NTN4: variants seen among roughly 807,000 people sequenced by gnomAD.
The protein encoded by NTN4 is netrin-4.
A neutral mutation model predicts 73.6 loss-of-function variants in NTN4; 32 were observed. That is an observed-to-expected ratio of 0.44 (90% CI 0.33 to 0.58). The LOEUF (loss-of-function observed/expected upper bound fraction) is 0.58. NTN4 is among the 20% of genes least tolerant of loss of function. The pLI is 0.04. For missense variants in NTN4, 654 were observed against 798.3 expected (o/e 0.82, Z 2.18); for synonymous variants, 258 against 287.5 (o/e 0.90, Z 1.04).
chr12:95,692,109 C>T (rs977717156), intron 5 of NTN4, among the ~76,000 whole-genome samples: 6 of 152,050 alleles, frequency 3.9e-5, no homozygotes, highest in South Asian at 2.1e-4. Flanking sequence ...GATCTCTGCT[C>T]ACTGCAACCT....
chr12:95,743,973 C>G (rs2078843952), intron 2 of NTN4, among the ~76,000 whole-genome samples: 1 of 152,130 alleles, frequency 6.6e-6, no homozygotes. Context: ...GCGATCTTGG[C>G]TCACTGCAAC....
At chr12:95,716,025 A>G (rs7300004) in intron 3 of NTN4, among the ~76,000 whole-genome samples, 122,634 of 151,014 alleles carry the variant, frequency 0.81, 49,916 homozygotes, top group South Asian at 0.86. Flanking sequence ...GGCAGAAGTA[A>G]CACAATGGAG....
intron 2 of NTN4, among the ~76,000 whole-genome samples, chr12:95,748,638 G>A (rs937697797): frequency 2.6e-5 from 4 of 151,964 alleles, no homozygotes; most frequent in African/African-American, 9.7e-5. Flanking sequence ...GCCCAGCTAA[G>A]TTTTGTATTT....
At chr12:95,682,185 T>C (rs2078322431) in intron 7 of NTN4, among the ~76,000 whole-genome samples, 1 of 149,512 alleles carries the variant, frequency 6.7e-6, no homozygotes, top group African/African-American at 2.5e-5. Flanking sequence ...GCCTCTCAAG[T>C]AGCTGGGACT....
intron 2 of NTN4, among the ~76,000 whole-genome samples, chr12:95,774,040 ACTT>A (rs2079074896): frequency 6.6e-6 from 1 of 152,134 alleles, no homozygotes; most frequent in Admixed American, 6.5e-5. Context: ...TGTTATATAT[ACTT>A]CTTCTATCTA....
chr12:95,693,421 T>C (rs1190219904), intron 5 of NTN4, among the ~76,000 whole-genome samples: 1 of 151,998 alleles, frequency 6.6e-6, no homozygotes, highest in Admixed American at 6.6e-5. Flanking sequence ...ATATGTTCCT[T>C]TCCTTGGACA....
chr12:95,729,929 T>C (rs879878906), intron 3 of NTN4, among the ~76,000 whole-genome samples: 1 of 152,154 alleles, frequency 6.6e-6, no homozygotes, highest in African/African-American at 2.4e-5. Context: ...CCCATTATAT[T>C]AGCAGTGAAA....
At position 95,665,845 on chromosome 12, in the gene NTN4, G is replaced by A. The variant is rs752193857; in HGVS notation, c.1715C>T (p.Thr572Met). The A allele has an allele frequency of 1.5e-5, 25 of 1,613,782 alleles. No homozygotes were observed. In the East Asian group the frequency reaches 2.9e-4, roughly 19 times the overall value. Residue 572 changes from threonine (T) to methionine (M), a missense_variant, in exon 9 of 10, where the codon ACG becomes ATG. Thr to Met is a moderately conservative substitution (Grantham distance 81). Coordinates refer to ENST00000343702, the MANE Select transcript of NTN4 (RefSeq NM_021229.4). ...GATTGGACAAGTGCATCCTCTGTCCGTCCATGATTCTGGATATAATGTTCG... is the reference window on the plus strand; with the variant it reads ...GATTGGACAAGTGCATCCTCTGTCCATCCATGATTCTGGATATAATGTTCG... ...GKRTLYPESWTDRGCTCPILN... is the reference protein window; with the variant it reads ...GKRTLYPESWMDRGCTCPILN...
At chr12:95,727,718 GA>G (rs990923002) in intron 3 of NTN4, among the ~76,000 whole-genome samples, 1 of 152,152 alleles carries the variant, frequency 6.6e-6, no homozygotes, top group Non-Finnish European at 1.5e-5. Context: ...GGTAAGCTTT[GA>G]AATTGGAAAG....
intron 2 of NTN4, among the ~76,000 whole-genome samples, chr12:95,752,405 G>A (rs28851259): frequency 0.5 from 65,203 of 131,270 alleles, 12,813 homozygotes; most frequent in South Asian, 0.64. Context: ...ATTCTGTTCT[G>A]GATCTCAAAC....
chr12:95,764,723 C>G (rs2079009556), intron 2 of NTN4, among the ~76,000 whole-genome samples: 1 of 150,014 alleles, frequency 6.7e-6, no homozygotes, highest in Non-Finnish European at 1.5e-5. Context: ...TAATACATCA[C>G]TGAACTCTTG....
At chr12:95,750,177 C>T (rs2078895122) in intron 2 of NTN4, among the ~76,000 whole-genome samples, 1 of 142,596 alleles carries the variant, frequency 7.0e-6, no homozygotes, top group Admixed American at 7.1e-5. Flanking sequence ...CCCTTATTTC[C>T]ATGCCCCAAC....
intron 2 of NTN4, among the ~76,000 whole-genome samples, chr12:95,766,906 C>CA (rs71091210): frequency 0.26 from 39,966 of 152,100 alleles, 5,401 homozygotes; most frequent in South Asian, 0.32. Flanking sequence ...GCTGATAAGT[C>CA]CACCTCTCTG....
chr12:95,677,818 C>G (rs2078284635), intron 7 of NTN4, among the ~76,000 whole-genome samples: 1 of 152,158 alleles, frequency 6.6e-6, no homozygotes, highest in Non-Finnish European at 1.5e-5. Flanking sequence ...TCATTTGGCC[C>G]AGCAATCCCA....
rs545023886 is a variant in NTN4 at position 95,789,419 on chromosome 12, C to T, written c.55+836G>A. On this transcript the variant is annotated intron_variant, in intron 1 of 9. Coordinates refer to ENST00000343702, the MANE Select transcript of NTN4 (RefSeq NM_021229.4). The surrounding 1 kb of genome is among the most constrained non-coding windows in gnomAD (Gnocchi z 4.0). ...TCTCTCCCCCTCACCTACAGGGCTG[C>T]GCTTACGCCTAACTGGAAACCAGGT... 9.2e-5 allele frequency among the ~76,000 whole-genome samples: 14 copies of T among 152,288 alleles called. No homozygotes were observed. Among genetic ancestry groups the T allele is most frequent in the Middle Eastern group, 6.8e-3 (2 of 294 alleles).
In NTN4 at chr12:95,673,076, C is replaced by T. The variant is rs569681436; in HGVS notation, c.1511-2930G>A. The stretch of plus-strand genomic sequence containing the variant: ...GGCAAGGCCAAGAAGTGAAGGCCGG[C>T]GGGCGGACTACTGTCCCCAGGAGCA... On this transcript the variant is annotated intron_variant, in intron 7 of 9. Transcript: ENST00000343702. 4.2e-4 allele frequency: 601 copies of T among 1,442,112 alleles called. 1 individual carries two copies. The highest frequency in any genetic ancestry group is 5.2e-4 in the Non-Finnish European group (537 of 1,038,186). 89.3% of individuals were successfully genotyped at this position (1,442,112 alleles called of 1,614,324 possible).
At chr12:95,736,838 G>T (rs1364503126) in intron 3 of NTN4, among the ~76,000 whole-genome samples, 1 of 152,222 alleles carries the variant, frequency 6.6e-6, no homozygotes, top group African/African-American at 2.4e-5. Context: ...ACTCAGCCCA[G>T]CCAGCACAAA....
chr12:95,699,208 G>A (rs909892020), intron 5 of NTN4, among the ~76,000 whole-genome samples: 5 of 152,240 alleles, frequency 3.3e-5, no homozygotes, highest in East Asian at 1.9e-4. Context: ...ATGAACTCAC[G>A]TGACTTTGCC....
At chr12:95,736,533 C>T (rs1275115857) in intron 3 of NTN4, among the ~76,000 whole-genome samples, 1 of 152,170 alleles carries the variant, frequency 6.6e-6, no homozygotes, top group Non-Finnish European at 1.5e-5. Context: ...CTTTCTAGTT[C>T]ACAGTCTGGT....
Sources: allele counts gnomAD v4.1 joint callset (sites outside exome capture counted in the v4.1 genomes callset), GRCh38; gene constraint gnomAD v4.1.1; non-coding constraint Gnocchi (gnomAD v3.1); transcripts MANE v1.5; gene names NCBI Gene and HGNC (gene_info 2026-07-23, HGNC 2026-07-21).